AGA: variants seen among roughly 807,000 people sequenced by gnomAD.
AGA encodes the protein aspartylglucosaminidase.
Under a neutral mutation model 40.1 loss-of-function variants are expected in AGA, and 31 were observed. The ratio of observed to expected loss-of-function variants is 0.77; its 90% CI spans 0.58 to 1.04. The LOEUF is 1.04. AGA is among the 50% of genes least tolerant of loss of function. AGA has a pLI of 0.00. For missense variants in AGA, 445 were observed against 435.4 expected (o/e 1.02, Z -0.20); for synonymous variants, 148 against 144.0 (o/e 1.03, Z -0.20).
rs1351511330 is a variant in AGA, at chr4:177,439,629, A to C, written c.341T>G (p.Val114Gly). 6.2e-7 allele frequency: 1 copy of C among 1,614,128 alleles called. No homozygotes were observed. Among genetic ancestry groups the C allele is most frequent in the East Asian group, 2.2e-5 (1 of 44,870 alleles). ...TGTATGTTCCAGTACTTTCCGTGCC[A>C]CACCAATAGCATTTTTAATTCGTCT... ...DLRRIKNAIG[V>G]ARKVLEHTTH... The change falls in exon 3 of 9, where the codon GTG becomes GGG. Residue 114 changes from valine (V) to glycine (G), a missense_variant. By Grantham distance (109) the Val-to-Gly change is moderately radical (BLOSUM62 -3). Coordinates refer to ENST00000264595, the MANE Select transcript of AGA (RefSeq NM_000027.4).
At position 177,436,228 on chromosome 4, in the gene AGA, C is replaced by G. The variant is rs759848605; in HGVS notation, c.698+48G>C. 4 of 1,482,756 alleles carry G rather than the reference C, an allele frequency of 2.7e-6. No homozygotes were observed. In the South Asian group the frequency reaches 3.4e-5, roughly 13 times the overall value. 91.8% of individuals were successfully genotyped at this position (1,482,756 alleles called of 1,614,324 possible). ...CCCATAGCACCCGGCATATATTGCT[C>G]TGCATTCAGTGTATATTTGAGAGCT... On this transcript the variant is annotated intron_variant, in intron 6 of 8. Transcript: ENST00000264595.
intron 2 of AGA, 68 bp downstream of exon 2, chr4:177,440,205 T>G: frequency 6.4e-7 from 1 of 1,574,476 alleles, no homozygotes; most frequent in Non-Finnish European, 8.7e-7. Context: ...TCTTTCATCT[T>G]GCTCTCAGAA....
chr4:177,442,268 A>T lies in AGA; in HGVS notation c.108T>A (p.Phe36Leu). The T allele has an allele frequency of 3.1e-6, 5 of 1,613,920 alleles. No homozygotes were observed. The South Asian group carries it at 5.5e-5, about 18-fold the overall frequency. The change falls in exon 1 of 9, where the codon TTT (phenylalanine) becomes TTA (leucine). Residue 36 changes from phenylalanine to leucine, a missense_variant. Phe to Leu is a conservative substitution (Grantham distance 22, BLOSUM62 0). Transcript: ENST00000264595. Reference protein sequence around the residue: ...PLPLVVNTWPFKNATEAAWRA... With the variant: ...PLPLVVNTWPLKNATEAAWRA... ...CCGCACCTGCTTCGGTTGCATTCTTAAAGGGCCAAGTGTTGACGACCAGGG... is the reference window on the plus strand; with the variant it reads ...CCGCACCTGCTTCGGTTGCATTCTTTAAGGGCCAAGTGTTGACGACCAGGG...
At chr4:177,439,729 C>T in intron 2 of AGA, 41 bp from the exon 3 acceptor site, 1 of 1,424,046 alleles carries the variant, frequency 7.0e-7, no homozygotes, top group Non-Finnish European at 9.9e-7. Flanking sequence ...AAGGAGTTTT[C>T]AGAGGTTCAT....
At chr4:177,441,031 A>G (rs971615835) in intron 1 of AGA, among the ~76,000 whole-genome samples, 7 of 152,116 alleles carry the variant, frequency 4.6e-5, no homozygotes, top group Non-Finnish European at 1.0e-4. Flanking sequence ...TTAAGGTCAC[A>G]CAGCTGGTAA....
intron 3 of AGA, 70 bp from the exon 4 acceptor site, chr4:177,438,927 G>C (rs1736906390): frequency 8.8e-6 from 8 of 906,890 alleles, no homozygotes; most frequent in East Asian, 7.7e-5. Flanking sequence ...ATATGTACTA[G>C]AGACATTCTG....
chr4:177,439,955 G>T, intron 2 of AGA: 1 of 583,954 alleles, frequency 1.7e-6, no homozygotes. Context: ...TTTTGAAAGG[G>T]GCCTGAAGGC....
intron 6 of AGA, 119 bp from the exon 7 acceptor site, chr4:177,434,608 T>C: frequency 6.1e-6 from 5 of 817,578 alleles, no homozygotes; most frequent in Non-Finnish European, 1.0e-5. Context: ...AAGTAAATTC[T>C]TCATCGGAAC....
chr4:177,436,297 C>A lies in AGA; in HGVS notation c.677G>T (p.Gly226Val). ...GHIAAGTSTN[G>V]IKFKIHGRVG... ...TAACCCATGTATTTTGAATTTTATA[C>A]CATTTGTAGATGTACCAGCAGCAAT... The change falls in exon 6 of 9, where the codon GGT becomes GTT. Residue 226 changes from glycine to valine, a missense_variant. Transcript: ENST00000264595. The A allele has an allele frequency of 6.2e-7, 1 of 1,612,940 alleles. No homozygotes were observed.
At position 177,438,761 on chromosome 4, in the gene AGA, T is replaced by C. The variant is rs767409598; in HGVS notation, c.491A>G (p.Gln164Arg). 4 of 1,598,208 alleles carry C rather than the reference T, an allele frequency of 2.5e-6. No homozygotes were observed. Among genetic ancestry groups the C allele is most frequent in the Non-Finnish European group, 8.6e-7 (1 of 1,165,354 alleles). The change falls in exon 4 of 9, where the codon CAG becomes CGG. Residue 164 changes from glutamine (Q) to arginine (R), a missense_variant. By Grantham distance (43) the Gln-to-Arg change is conservative (BLOSUM62 1). Coordinates refer to ENST00000264595, the MANE Select transcript of AGA (RefSeq NM_000027.4). The part of the protein sequence containing the change: ...LHSDWLARNC[Q>R]PNYWRNVIPD... ...TGTGCATACCCTCCAATAATTTGGC[T>C]GGCAATTCCGAGCAAGCCAATCTGA...
intron 2 of AGA, chr4:177,439,905 C>G: frequency 1.7e-6 from 1 of 598,852 alleles, no homozygotes; most frequent in Non-Finnish European, 2.9e-6. Context: ...CACAACAGCA[C>G]TAAAATTCTC....
Position 177,434,473 on chromosome 4 carries a change from G to A in AGA, c.715C>T (p.Pro239Ser), listed in dbSNP as rs920075436. The A allele has an allele frequency of 4.3e-6, 7 of 1,614,072 alleles. No homozygotes were observed. Among genetic ancestry groups the A allele is most frequent in the Non-Finnish European group, 5.9e-6 (7 of 1,179,980 alleles). ...FKIHGRVGDS[P>S]IPGAGAYADD... ...GCATAGGCTCCAGCTCCAGGTATTG[G>A]TGAGTCTCCTACACGGCTTTGAGAG... Residue 239 changes from proline to serine, a missense_variant, in exon 7 of 9, where the codon CCA (proline) becomes TCA (serine). Physicochemically the swap from Pro to Ser is moderately conservative, Grantham distance 74. Coordinates refer to ENST00000264595, the MANE Select transcript of AGA (RefSeq NM_000027.4).
chr4:177,441,981 C>G (rs566012022), intron 1 of AGA, among the ~76,000 whole-genome samples: 1 of 152,346 alleles, frequency 6.6e-6, no homozygotes, highest in East Asian at 1.9e-4. Flanking sequence ...TGGTCAGCAG[C>G]AGGGTGGAAA....
chr4:177,434,379 T>C lies in AGA; in HGVS notation c.806+3A>G, dbSNP rs368144874. The C allele has an allele frequency of 4.0e-5, 64 of 1,613,320 alleles. No homozygotes were observed. In the African/African-American group the frequency reaches 7.9e-4, roughly 20 times the overall value. On this transcript the variant is annotated splice_donor_region_variant and intron_variant, in intron 7 of 8. Coordinates refer to ENST00000264595, the MANE Select transcript of AGA (RefSeq NM_000027.4). ...CTAAAATTCACAAACTAAGAAGTCATACCTTGGCAGGAAGCGCATCAATAT... is the reference window on the plus strand; with the variant it reads ...CTAAAATTCACAAACTAAGAAGTCACACCTTGGCAGGAAGCGCATCAATAT...
At chr4:177,434,517 C>A in intron 6 of AGA, 28 bp from the exon 7 acceptor site, 4 of 1,572,172 alleles carry the variant, frequency 2.5e-6, no homozygotes, top group Non-Finnish European at 3.5e-6. Context: ...CAATTTACGG[C>A]AGGAAATCGA....
intron 7 of AGA, 24 bp from the exon 8 acceptor site, chr4:177,433,371 T>G: frequency 6.2e-7 from 1 of 1,613,834 alleles, no homozygotes; most frequent in Non-Finnish European, 8.5e-7. Flanking sequence ...AGGTGAAACC[T>G]TAGTGTCTCA....
rs564744317 is a variant in AGA at position 177,440,013 on chromosome 4, G to A, written c.281+260C>T. 1.7e-5 allele frequency: 10 copies of A among 587,316 alleles called. No individual in the cohort carries two copies. The East Asian group carries it at 1.8e-4, about 10-fold the overall frequency. 36.4% of individuals were successfully genotyped at this position (587,316 alleles called of 1,614,324 possible). ...ATTTGTGGACAGCAGATAAATGATT[G>A]TTTATAAGGTCAGAGACATAGTTTT... On this transcript the variant is annotated intron_variant, in intron 2 of 8. Coordinates refer to ENST00000264595, the MANE Select transcript of AGA (RefSeq NM_000027.4).
chr4:177,434,643 T>C (rs1736749850), intron 6 of AGA, among the ~76,000 whole-genome samples, 154 bp from the exon 7 acceptor site: 1 of 152,172 alleles, frequency 6.6e-6, no homozygotes, highest in Non-Finnish European at 1.5e-5. Context: ...TCTTCATTAG[T>C]TTTTTAACTA....
rs749548544 is a variant in AGA, at chr4:177,442,328, G to A, written c.48C>T (p.Leu16=). 1 of 1,614,142 alleles carries A rather than the reference G, an allele frequency of 6.2e-7. No individual in the cohort carries two copies. Reference sequence around the variant, plus strand: ...TGGAGCAGCGCACTAGGGCCTGGCAGAGCAGAAACGGCACGAGAAGCACAG... The same window carrying A: ...TGGAGCAGCGCACTAGGGCCTGGCAAAGCAGAAACGGCACGAGAAGCACAG... ...NLPVLLVPFL[L]CQALVRCSSP... Residue 16 remains leucine (L), a synonymous_variant, in exon 1 of 9, where the codon CTC becomes CTT. Coordinates refer to ENST00000264595, the MANE Select transcript of AGA (RefSeq NM_000027.4).
Sources: allele counts gnomAD v4.1 joint callset (sites outside exome capture counted in the v4.1 genomes callset), GRCh38; gene constraint gnomAD v4.1.1; transcripts MANE v1.5; gene names NCBI Gene and HGNC (gene_info 2026-07-23, HGNC 2026-07-21).